The following LEPR variants were observed in gnomAD, a reference collection of about 807,000 sequenced individuals.
LEPR encodes the protein OB receptor.
LEPR carries 56 observed loss-of-function variants against 114.7 expected under a neutral mutation model. The ratio of observed to expected loss-of-function variants is 0.49; its 90% CI spans 0.39 to 0.61. LEPR has a LOEUF of 0.61. LEPR is among the 20% of genes least tolerant of loss of function. The probability of loss-of-function intolerance (pLI) is 0.00; values close to 1 mark genes in which losing one functional copy is unlikely to be tolerated. For missense variants in LEPR, 1,202 were observed against 1,352.9 expected (o/e 0.89, Z 1.75); for synonymous variants, 443 against 461.4 (o/e 0.96, Z 0.51).
intron 4 of LEPR, among the ~76,000 whole-genome samples, chr1:65,571,838 T>G (rs1570723224): frequency 7.3e-6 from 1 of 137,162 alleles, no homozygotes; most frequent in African/African-American, 2.7e-5. Context: ...GGCATGGTGG[T>G]GCATGCCTCT....
intron 2 of LEPR, among the ~76,000 whole-genome samples, chr1:65,453,001 G>C (rs1273490240): frequency 6.6e-6 from 1 of 152,196 alleles, no homozygotes; most frequent in Admixed American, 6.5e-5. Context: ...TCCTGGTTTA[G>C]TCTTGGGAGA....
chr1:65,439,580 G>A (rs969999539), intron 2 of LEPR, among the ~76,000 whole-genome samples: 13 of 152,022 alleles, frequency 8.6e-5, no homozygotes, highest in Admixed American at 7.2e-4. Context: ...ACTTTGGAAG[G>A]CTGAGGCAGG....
Position 65,637,114 on chromosome 1 carries a change from A to G in LEPR, c.*99A>G, listed in dbSNP as rs529659801. On this transcript the variant is annotated 3_prime_UTR_variant, in exon 20 of 20. Coordinates refer to ENST00000349533, the MANE Select transcript of LEPR (RefSeq NM_002303.6). ...GAGAGAGAAAAGAAACCAGAGTCAA[A>G]TTTGAAAATAATTGTTCCAAATGAA... 385 of 1,307,596 alleles carry G rather than the reference A, an allele frequency of 2.9e-4. No individual in the cohort carries two copies. Among genetic ancestry groups the G allele is most frequent in the East Asian group, 1.4e-3 (57 of 41,640 alleles). 81.0% of individuals were successfully genotyped at this position (1,307,596 alleles called of 1,614,324 possible). A position where few individuals can be genotyped will look rare whatever the true frequency, so the allele number is the denominator to read the frequency against.
intron 15 of LEPR, 125 bp downstream of exon 15, chr1:65,616,349 C>T: frequency 2.0e-6 from 2 of 977,774 alleles, no homozygotes; most frequent in Non-Finnish European, 1.5e-6. Context: ...TCTCTTTCAC[C>T]TTTCATTTCC....
intron 14 of LEPR, among the ~76,000 whole-genome samples, chr1:65,615,154 T>C (rs188923546): frequency 2.0e-5 from 3 of 152,336 alleles, no homozygotes; most frequent in Non-Finnish European, 4.4e-5. Flanking sequence ...GTATATGTGT[T>C]TATTTTTCTC....
chr1:65,511,240 G>T (rs907691780), intron 2 of LEPR, among the ~76,000 whole-genome samples: 17 of 152,076 alleles, frequency 1.1e-4, no homozygotes, highest in Non-Finnish European at 1.0e-4. Flanking sequence ...GATGATTCTA[G>T]AGCAGTGTGA....
chr1:65,506,735 T>C (rs1648748443), intron 2 of LEPR, among the ~76,000 whole-genome samples: 1 of 152,198 alleles, frequency 6.6e-6, no homozygotes, highest in South Asian at 2.1e-4. Context: ...CTCTGTGGGA[T>C]GATCAAATCA....
At chr1:65,503,637 G>C (rs1481658498) in intron 2 of LEPR, among the ~76,000 whole-genome samples, 1 of 152,176 alleles carries the variant, frequency 6.6e-6, no homozygotes, top group Non-Finnish European at 1.5e-5. Context: ...CACTGTTGAA[G>C]TGGGAGCTTA....
In LEPR at chr1:65,639,597, A is replaced by G. The variant is rs1258386835; in HGVS notation, c.*2582A>G. On this transcript the variant is annotated 3_prime_UTR_variant, in exon 20 of 20. Transcript: ENST00000349533. ...TCTTCCCACAGCTTCTATAAAAAAA[A>G]TTTAAAAGGAAGGAGGAGCTGAAAT... The G allele has an allele frequency of 6.6e-6, 1 of 152,230 alleles. No homozygotes were observed. The highest frequency in any genetic ancestry group is 2.4e-5 in the African/African-American group (1 of 41,454). 9.4% of individuals were successfully genotyped at this position (152,230 alleles called of 1,614,324 possible). A position where few individuals can be genotyped will look rare whatever the true frequency, so the allele number is the denominator to read the frequency against.
intron 1 of LEPR, among the ~76,000 whole-genome samples, chr1:65,423,812 A>C (rs1646302779): frequency 2.0e-5 from 3 of 152,128 alleles, no homozygotes; most frequent in Admixed American, 2.0e-4. Flanking sequence ...AGTATTATGG[A>C]CTTTTTTCAG....
At chr1:65,459,666 T>G (rs6669354) in intron 2 of LEPR, among the ~76,000 whole-genome samples, 19,903 of 152,250 alleles carry the variant, frequency 0.13, 1,354 homozygotes, top group South Asian at 0.22. Context: ...AAGCGTGAAT[T>G]TATAACTCAA....
chr1:65,618,615 G>A (rs981706715), intron 16 of LEPR, among the ~76,000 whole-genome samples: 2 of 152,046 alleles, frequency 1.3e-5, no homozygotes, highest in African/African-American at 2.4e-5. Context: ...ACAGGCATGG[G>A]CCACCACACC....
chr1:65,523,932 A>C (rs1247716920), intron 2 of LEPR, among the ~76,000 whole-genome samples: 1 of 152,226 alleles, frequency 6.6e-6, no homozygotes, highest in Non-Finnish European at 1.5e-5. Flanking sequence ...AACAAAAAGA[A>C]GAGAAGAGGG....
At chr1:65,543,434 G>C (rs1187267946) in intron 2 of LEPR, among the ~76,000 whole-genome samples, 1 of 151,920 alleles carries the variant, frequency 6.6e-6, no homozygotes, top group Non-Finnish European at 1.5e-5. Context: ...TGTGATGATA[G>C]TTTCTTTTGC....
At position 65,474,950 on chromosome 1, in the gene LEPR, T is replaced by A. The variant is rs1044556941; in HGVS notation, c.-21+49572T>A. On this transcript the variant is annotated intron_variant, in intron 2 of 19. Coordinates refer to ENST00000349533, the MANE Select transcript of LEPR (RefSeq NM_002303.6). ...TGAACCTGGGAGGTGGAGGTTGAAC[T>A]GAGCCGAGATCGCACCATTGTACTC... Among the ~76,000 whole-genome samples the A allele has an allele frequency of 1.3e-4, 18 of 134,144 alleles. No individual in the cohort carries two copies. The South Asian group carries it at 1.8e-3, about 14-fold the overall frequency. 88.0% of individuals were successfully genotyped at this position (134,144 alleles called of 152,430 possible).
intron 5 of LEPR, among the ~76,000 whole-genome samples, chr1:65,586,779 G>A (rs1655345127): frequency 6.6e-6 from 1 of 151,836 alleles, no homozygotes; most frequent in African/African-American, 2.4e-5. Context: ...GTCATGATGG[G>A]GTTAGCTGTT....
At chr1:65,510,294 T>G (rs984420358) in intron 2 of LEPR, among the ~76,000 whole-genome samples, 24 of 152,172 alleles carry the variant, frequency 1.6e-4, no homozygotes, top group African/African-American at 4.8e-4. Flanking sequence ...TGGGATTCTA[T>G]AGGGTGCAAG....
At chr1:65,625,548 T>A (rs1658149058) in intron 19 of LEPR, among the ~76,000 whole-genome samples, 1 of 152,176 alleles carries the variant, frequency 6.6e-6, no homozygotes. Flanking sequence ...GTATATAACA[T>A]ATAATGATCC....
chr1:65,604,948 G>A, intron 10 of LEPR, 90 bp from the exon 11 acceptor site: 1 of 1,521,860 alleles, frequency 6.6e-7, no homozygotes, highest in Non-Finnish European at 8.9e-7. Context: ...GTTGGGGACT[G>A]CTGTTTTAAA....
Sources: gnomAD v4.1 joint callset for allele counts (sites outside exome capture counted in the v4.1 genomes callset) on GRCh38, gnomAD v4.1.1 for gene constraint, MANE v1.5 for transcripts, NCBI Gene and HGNC (gene_info 2026-07-23, HGNC 2026-07-21) for gene names.